Variants in MAMSTR observed in about 807,000 individuals in gnomAD.
MAMSTR encodes the protein MEF2 activating motif and SAP domain containing transcriptional regulator, also known as MEF2-activating motif and SAP domain-containing transcriptional regulator.
Under a neutral mutation model 42.7 loss-of-function variants are expected in MAMSTR, and 41 were observed. The ratio of observed to expected loss-of-function variants is 0.96; its 90% CI spans 0.75 to 1.25. The LOEUF is 1.25. MAMSTR is among the 50% of genes most tolerant of loss of function. The probability of loss-of-function intolerance (pLI) is 0.00; values close to 1 mark genes in which losing one functional copy is unlikely to be tolerated. For synonymous variants in MAMSTR, 265 were observed against 244.1 expected, an observed-to-expected ratio of 1.09 and a Z score of -0.80; for missense variants, 567 against 557.6, an observed-to-expected ratio of 1.02 and a Z score of -0.17.
Position 48,713,770 on chromosome 19 carries a change from AC to A in MAMSTR, c.910-1del, listed in dbSNP as rs1568467068. ...TCATCGATGCCCCGGTTAGGAAGCAACTGCGGATGGAGAAATTTGGCGTGAA... is the reference window on the plus strand; with the variant it reads ...TCATCGATGCCCCGGTTAGGAAGCAATGCGGATGGAGAAATTTGGCGTGAA... On this transcript the variant is annotated splice_acceptor_variant, in intron 8 of 9. Transcript: ENST00000318083. LOFTEE classifies it high-confidence loss of function. 4 of 1,614,214 alleles carry A rather than the reference AC, an allele frequency of 2.5e-6. No homozygotes were observed. In the Admixed American group the frequency reaches 6.7e-5, roughly 27 times the overall value.
rs1288275216 is a variant in MAMSTR, at chr19:48,719,062, GA to G, written c.-21-11del. 2 of 1,548,290 alleles carry G rather than the reference GA, an allele frequency of 1.3e-6. No individual in the cohort carries two copies. The highest frequency in any genetic ancestry group is 2.7e-5 in the African/African-American group (2 of 73,012). On this transcript the variant is annotated splice_polypyrimidine_tract_variant and intron_variant, in intron 1 of 9. Coordinates refer to ENST00000318083, the MANE Select transcript of MAMSTR (RefSeq NM_001130915.2). This position sits in a 1 kb window ranked among gnomAD's most constrained non-coding sequence, Gnocchi z 4.4. The stretch of plus-strand genomic sequence containing the variant: ...AGGCCGGGATGGGGACCTGGACGGA[GA>G]GGGGGCAGGGCAGGGGCCCCATAGA...
At chr19:48,717,068 C>T in intron 2 of MAMSTR, 1 of 848,278 alleles carries the variant, frequency 1.2e-6, no homozygotes, top group Non-Finnish European at 1.5e-6. Context: ...CAATCGCTAT[C>T]TTGGCAGCCT....
At chr19:48,707,843 G>GAA (rs1188876345), downstream of MAMSTR, among the ~76,000 whole-genome samples, 3 of 57,704 alleles carry the variant, frequency 5.2e-5, no homozygotes, top group Admixed American at 1.9e-4. Flanking sequence ...AGAAAGGAAA[G>GAA]AAAGAAAGAA....
chr19:48,707,838 G>GGAAAGAAAGAAAGAAAAA (rs2032667366), downstream of MAMSTR, among the ~76,000 whole-genome samples: 1 of 90,902 alleles, frequency 1.1e-5, no homozygotes, highest in Admixed American at 1.3e-4. Context: ...AAGAAAGAAA[G>GGAAAGAAAGAAAGAAAAA]GAAAGAAAGA....
downstream of MAMSTR, among the ~76,000 whole-genome samples, chr19:48,711,838 C>T (rs4002471): frequency 0.38 from 58,005 of 150,716 alleles, 13,042 homozygotes; most frequent in Middle Eastern, 0.58. Context: ...CTCCGCCTCC[C>T]GGGTTCACGC....
Position 48,714,823 on chromosome 19 carries a change from T to C in MAMSTR, c.511A>G (p.Lys171Glu), listed in dbSNP as rs1268613260. 1 of 1,609,962 alleles carries C rather than the reference T, an allele frequency of 6.2e-7. No homozygotes were observed. The highest frequency in any genetic ancestry group is 8.5e-7 in the Non-Finnish European group (1 of 1,176,500). ...PPHKLELQTL[K>E]LEELTVSELR... is the part of the protein sequence containing the mutation. The stretch of plus-strand genomic sequence containing the variant: ...AAACTCACCGTCAGCTCCTCCAGTT[T>C]AAGGGTCTGAAGTTCCAACTTGTGT... Residue 171 changes from lysine to glutamate, a missense_variant, in exon 6 of 10, where the codon AAA becomes GAA. Transcript: ENST00000318083.
intron 3 of MAMSTR, chr19:48,716,043 G>A (rs892127006): frequency 9.2e-6 from 9 of 980,612 alleles, no homozygotes; most frequent in Non-Finnish European, 1.1e-5. Flanking sequence ...ACAGGGGTGG[G>A]GCCTGCACTC....
rs1272702316 is a variant in MAMSTR at position 48,713,744 on chromosome 19, G to A, written c.936C>T (p.Asp312=). 1 of 1,614,224 alleles carries A rather than the reference G, an allele frequency of 6.2e-7. No homozygotes were observed. ...CAGGCTCCACCTGATCCTCCAGGAT[G>A]TCATCGATGCCCCGGTTAGGAAGCA... ...AQLLPNRGID[D]ILEDQVEPDD... is the part of the protein sequence containing the mutation. The change falls in exon 9 of 10, where the codon GAC becomes GAT. Residue 312 remains aspartate (D), a synonymous_variant. Coordinates refer to ENST00000318083, the MANE Select transcript of MAMSTR (RefSeq NM_001130915.2).
chr19:48,719,149 G>T lies in MAMSTR; in HGVS notation c.-21-97C>A. The T allele has an allele frequency of 2.4e-6, 2 of 833,602 alleles. No individual in the cohort carries two copies. Among genetic ancestry groups the T allele is most frequent in the Non-Finnish European group, 3.9e-6 (2 of 510,724 alleles). The allele number at this position is 833,602 out of a possible 1,614,324, so 51.6% of individuals were successfully genotyped here. On this transcript the variant is annotated intron_variant, in intron 1 of 9. Transcript: ENST00000318083. This position sits in a 1 kb window ranked among gnomAD's most constrained non-coding sequence, Gnocchi z 4.4. ...TGAGAGTGAATTCAGCAGGGAAAGG[G>T]CCCGAAGGAGGTGGGAATAGGAGCA... is the stretch of plus-strand genomic sequence containing the variant.
chr19:48,710,269 T>TG (rs1183355429), downstream of MAMSTR, among the ~76,000 whole-genome samples: 2 of 102,460 alleles, frequency 2.0e-5, no homozygotes, highest in Non-Finnish European at 4.3e-5. Context: ...CACACCTGGC[T>TG]AATTATTTTT....
chr19:48,714,852 G>A lies in MAMSTR; in HGVS notation c.482C>T (p.Pro161Leu). The A allele has an allele frequency of 2.5e-6, 4 of 1,613,144 alleles. No individual in the cohort carries two copies. The highest frequency in any genetic ancestry group is 3.4e-6 in the Non-Finnish European group (4 of 1,179,216). ...GGTCTGAAGTTCCAACTTGTGTGGG[G>A]GGGGCGAGGGGCTAGGGACTCCTGG... ...CPPGVPSPSP[P>L]PHKLELQTLK... The change falls in exon 6 of 10, where the codon CCC (proline) becomes CTC (leucine). Residue 161 changes from proline (P) to leucine (L), a missense_variant. Pro to Leu is a moderately conservative substitution (Grantham distance 98). Coordinates refer to ENST00000318083, the MANE Select transcript of MAMSTR (RefSeq NM_001130915.2).
chr19:48,719,492 TC>T lies in MAMSTR; in HGVS notation c.-22+186del, dbSNP rs1178421687. Among the ~76,000 whole-genome samples, 1 of 152,112 alleles carries T rather than the reference TC, an allele frequency of 6.6e-6. No homozygotes were observed. The highest frequency in any genetic ancestry group is 1.5e-5 in the Non-Finnish European group (1 of 68,000). Reference sequence around the variant, plus strand: ...ACTCTTAGGAGATGAGAATCCAAGATCCTGGGTGGAGAGGGGAACGGGGCCC... The same window carrying T: ...ACTCTTAGGAGATGAGAATCCAAGATCTGGGTGGAGAGGGGAACGGGGCCC... On this transcript the variant is annotated intron_variant, in intron 1 of 9. Transcript: ENST00000318083. This position sits in a 1 kb window ranked among gnomAD's most constrained non-coding sequence, Gnocchi z 4.4.
chr19:48,715,277 T>C lies in MAMSTR; in HGVS notation c.410A>G (p.Gln137Arg), dbSNP rs1469464744. 6.3e-7 allele frequency: 1 copy of C among 1,591,282 alleles called. No individual in the cohort carries two copies. The highest frequency in any genetic ancestry group is 8.5e-7 in the Non-Finnish European group (1 of 1,169,990). ...GGTGTCATACCTAGGATGTGGCTGC[T>C]GCGAGTCTGTCCCTTCCCACAGAGA... ...GPSLWEGTDS[Q>R]QPHPRMKPSP... Residue 137 changes from glutamine to arginine, a missense_variant, in exon 5 of 10, where the codon CAG becomes CGG. Physicochemically the swap from Gln to Arg is conservative, Grantham distance 43 (BLOSUM62 1). Transcript: ENST00000318083.
the MAMSTR span, among the ~76,000 whole-genome samples, chr19:48,707,209 G>A: frequency 6.7e-6 from 1 of 148,894 alleles, no homozygotes; most frequent in African/African-American, 2.5e-5. Flanking sequence ...ACAAAGTCAA[G>A]AGATCAAGAC....
rs778876828 is a variant in MAMSTR at position 48,714,493 on chromosome 19, A to G, written c.596T>C (p.Leu199Pro). 2 of 1,424,626 alleles carry G rather than the reference A, an allele frequency of 1.4e-6. No individual in the cohort carries two copies. Among genetic ancestry groups the G allele is most frequent in the East Asian group, 5.4e-5 (2 of 37,014 alleles). The allele number at this position is 1,424,626 out of a possible 1,614,324, so 88.2% of individuals were successfully genotyped here. ...LPVSGTKSML[L>P]ERMRGGAPPR... ...CGGCGCGCCGCCGCGCATGCGCTCCAGGAGCATAGACTTGGTCCCCGACAC... is the reference window on the plus strand; with the variant it reads ...CGGCGCGCCGCCGCGCATGCGCTCCGGGAGCATAGACTTGGTCCCCGACAC... Residue 199 changes from leucine (L) to proline (P), a missense_variant, in exon 7 of 10, where the codon CTG (leucine) becomes CCG (proline). Coordinates refer to ENST00000318083, the MANE Select transcript of MAMSTR (RefSeq NM_001130915.2).
downstream of MAMSTR, among the ~76,000 whole-genome samples, chr19:48,712,248 G>A (rs188490108): frequency 6.6e-6 from 1 of 152,174 alleles, no homozygotes; most frequent in Admixed American, 6.5e-5. Context: ...AGTTCCATGT[G>A]TCCCAAGACA....
intron 9 of MAMSTR, 40 bp downstream of exon 9, chr19:48,713,676 C>T (rs1237934136): frequency 6.2e-7 from 1 of 1,612,832 alleles, no homozygotes; most frequent in Admixed American, 1.7e-5. Context: ...TCCAGAACCT[C>T]AGCCCCCACC....
the MAMSTR span, among the ~76,000 whole-genome samples, chr19:48,707,309 G>A: frequency 5.9e-5 from 9 of 152,056 alleles, no homozygotes; most frequent in Middle Eastern, 3.4e-3. Context: ...CCAGCTACTC[G>A]GGAGGCTGAG....
intron 7 of MAMSTR, 99 bp downstream of exon 7, chr19:48,714,267 C>A (rs923969290): frequency 1.4e-5 from 15 of 1,099,710 alleles, no homozygotes; most frequent in African/African-American, 9.8e-5. Flanking sequence ...TACCGCTGGT[C>A]CTCGCCCCCA....
Sources: allele counts gnomAD v4.1 joint callset (sites outside exome capture counted in the v4.1 genomes callset), GRCh38; gene constraint gnomAD v4.1.1; non-coding constraint Gnocchi (gnomAD v3.1); transcripts MANE v1.5; gene names NCBI Gene and HGNC (gene_info 2026-07-23, HGNC 2026-07-21).